RFFL: variants seen among roughly 807,000 people sequenced by gnomAD.
The protein encoded by RFFL is ring finger and FYVE like domain containing E3 ubiquitin protein ligase.
In RFFL, 16 loss-of-function variants were observed where a neutral mutation model predicts 40.4. That is an observed-to-expected ratio of 0.40 (90% CI 0.27 to 0.60). RFFL has a LOEUF of 0.60. RFFL is among the 20% of genes least tolerant of loss of function. The probability of loss-of-function intolerance (pLI) is 0.47; values close to 1 mark genes in which losing one functional copy is unlikely to be tolerated. For missense variants in RFFL, 367 were observed against 451.7 expected, an observed-to-expected ratio of 0.81 and a Z score of 1.70; for synonymous variants, 154 against 167.9, an observed-to-expected ratio of 0.92 and a Z score of 0.64.
intron 1 of RFFL, among the ~76,000 whole-genome samples, chr17:35,088,035 T>G (rs144660989): frequency 3.2e-3 from 483 of 152,218 alleles, no homozygotes; most frequent in Middle Eastern, 6.8e-3. Context: ...CACATTTCAG[T>G]AAATTGAACT....
At chr17:35,051,070 A>G (rs1183156701) in intron 1 of RFFL, among the ~76,000 whole-genome samples, 1 of 152,262 alleles carries the variant, frequency 6.6e-6, no homozygotes, top group African/African-American at 2.4e-5. Flanking sequence ...ACTGAATCCC[A>G]TATCTACCAA....
At chr17:35,037,100 T>A (rs1212226874) in intron 1 of RFFL, among the ~76,000 whole-genome samples, 1 of 152,214 alleles carries the variant, frequency 6.6e-6, no homozygotes, top group Non-Finnish European at 1.5e-5. Context: ...TTAACACACT[T>A]ATGGTGCACC....
At chr17:35,034,959 C>A (rs1166751919) in intron 1 of RFFL, among the ~76,000 whole-genome samples, 1 of 152,158 alleles carries the variant, frequency 6.6e-6, no homozygotes, top group East Asian at 1.9e-4. Flanking sequence ...CATCTTGATA[C>A]AAGACAGAAG....
chr17:35,059,975 A>G (rs1308596875), intron 1 of RFFL, among the ~76,000 whole-genome samples: 1 of 152,224 alleles, frequency 6.6e-6, no homozygotes, highest in Non-Finnish European at 1.5e-5. Flanking sequence ...AGCTTTTTAT[A>G]ATGGAATTTC....
At chr17:35,019,533 C>T (rs2090995304) in intron 3 of RFFL, among the ~76,000 whole-genome samples, 1 of 152,024 alleles carries the variant, frequency 6.6e-6, no homozygotes, top group Non-Finnish European at 1.5e-5. Flanking sequence ...ACCACCACGC[C>T]CAGCTAATTT....
upstream of RFFL, among the ~76,000 whole-genome samples, chr17:35,065,832 G>A (rs2091318573): frequency 6.6e-6 from 1 of 152,192 alleles, no homozygotes; most frequent in African/African-American, 2.4e-5. Flanking sequence ...ACATTTTAGA[G>A]CTTAAAAAGG....
intron 1 of RFFL, among the ~76,000 whole-genome samples, chr17:35,081,851 C>T (rs1401014020): frequency 1.3e-5 from 2 of 152,080 alleles, no homozygotes; most frequent in Admixed American, 1.3e-4. Context: ...GTATTACACA[C>T]TAGTTAGACA....
chr17:35,041,190 C>T (rs1047152982), intron 1 of RFFL, among the ~76,000 whole-genome samples: 2 of 152,066 alleles, frequency 1.3e-5, no homozygotes, highest in African/African-American at 4.8e-5. Context: ...TCTAGAATGG[C>T]TTCTTGGGTA....
At chr17:35,072,007 G>A (rs769246263) in intron 1 of RFFL, among the ~76,000 whole-genome samples, 4 of 152,136 alleles carry the variant, frequency 2.6e-5, no homozygotes, top group Non-Finnish European at 4.4e-5. Flanking sequence ...GAGGCTGGGT[G>A]TAGTGGCTCA....
At chr17:35,048,663 G>T (rs1392846020) in intron 1 of RFFL, among the ~76,000 whole-genome samples, 1 of 152,062 alleles carries the variant, frequency 6.6e-6, no homozygotes, top group African/African-American at 2.4e-5. Context: ...CAACCCTGCA[G>T]TCCAGCCAGT....
In RFFL at chr17:35,085,091, T is replaced by G. The variant is rs147708733; in HGVS notation, c.-9+4014A>C. On this transcript the variant is annotated intron_variant, in intron 1 of 6. Coordinates refer to the RFFL transcript ENST00000315249. Reference sequence around the variant, plus strand: ...CTCCAGGAAGTGGGGCTGGGAAATCTGCATTTTTAAAGAATATCTCGGTCA... The same window carrying G: ...CTCCAGGAAGTGGGGCTGGGAAATCGGCATTTTTAAAGAATATCTCGGTCA... Among the ~76,000 whole-genome samples, 451 of 152,316 alleles carry G rather than the reference T, an allele frequency of 3.0e-3. 1 individual carries two copies. The highest frequency in any genetic ancestry group is 0.01 in the African/African-American group (424 of 41,562).
At chr17:35,021,838 G>A in intron 2 of RFFL, 57 bp from the exon 3 acceptor site, 1 of 1,566,630 alleles carries the variant, frequency 6.4e-7, no homozygotes, top group Non-Finnish European at 8.8e-7. Context: ...AAGACAGAGA[G>A]TGCGATGGGA....
Position 35,084,727 on chromosome 17 carries a change from T to TAAAA in RFFL, c.-9+4374_-9+4377dup, listed in dbSNP as rs71366407. Among the ~76,000 whole-genome samples, 405 of 144,672 alleles carry TAAAA rather than the reference T, an allele frequency of 2.8e-3. 1 individual carries two copies. The highest frequency in any genetic ancestry group is 9.6e-3 in the African/African-American group (378 of 39,486). 94.9% of individuals were successfully genotyped at this position (144,672 alleles called of 152,430 possible). ...CAATGTAGTGAAAACCCGTCTCTACTAAAAAAAAAAATGCAAAAATTAGCT... is the reference window on the plus strand; with the variant it reads ...CAATGTAGTGAAAACCCGTCTCTACTAAAAAAAAAAAAAAATGCAAAAATTAGCT... On this transcript the variant is annotated intron_variant, in intron 1 of 6. Transcript: ENST00000315249.
chr17:35,016,242 G>A (rs968048670), intron 5 of RFFL, 128 bp downstream of exon 5: 5 of 784,212 alleles, frequency 6.4e-6, no homozygotes, highest in Middle Eastern at 3.8e-4. Flanking sequence ...ATTAGACGGT[G>A]CAAATATGTA....
intron 1 of RFFL, among the ~76,000 whole-genome samples, chr17:35,035,945 C>A (rs1312795560): frequency 6.6e-6 from 1 of 152,082 alleles, no homozygotes; most frequent in Non-Finnish European, 1.5e-5. Context: ...TCAGGTGATA[C>A]ACCTGCCTCA....
upstream of RFFL, among the ~76,000 whole-genome samples, chr17:35,064,155 A>T (rs941907034): frequency 1.3e-5 from 2 of 152,250 alleles, no homozygotes; most frequent in African/African-American, 4.8e-5. Context: ...AGTCATCATT[A>T]GCCAGTCAAA....
At chr17:35,048,927 T>C (rs1597830451) in intron 1 of RFFL, among the ~76,000 whole-genome samples, 2 of 152,318 alleles carry the variant, frequency 1.3e-5, no homozygotes, top group South Asian at 2.1e-4. Context: ...GCCAGGAGGA[T>C]GTGATCTACC....
chr17:35,081,705 T>C (rs1212380879), intron 1 of RFFL, among the ~76,000 whole-genome samples: 2 of 152,120 alleles, frequency 1.3e-5, no homozygotes, highest in Non-Finnish European at 2.9e-5. Flanking sequence ...TCCATTCAAA[T>C]GACAGTAAAA....
chr17:35,042,369 G>C (rs1355214023), intron 1 of RFFL: 1 of 152,164 alleles, frequency 6.6e-6, no homozygotes, highest in African/African-American at 2.4e-5. Context: ...GATTTAAAAT[G>C]CTGGTGACAA....
Sources: allele counts gnomAD v4.1 joint callset (sites outside exome capture counted in the v4.1 genomes callset), GRCh38; gene constraint gnomAD v4.1.1; transcripts MANE v1.5; gene names NCBI Gene and HGNC (gene_info 2026-07-23, HGNC 2026-07-21).